The following TENM2 variants were observed in gnomAD, a reference collection of about 807,000 sequenced individuals.
TENM2 encodes teneurin-2.
A neutral mutation model predicts 245.2 loss-of-function variants in TENM2; 52 were observed. The observed-to-expected ratio is 0.21, with a 90% CI of 0.17 to 0.27. The LOEUF (loss-of-function observed/expected upper bound fraction) is 0.27. Among genes scored for constraint, TENM2 ranks in the 10% least tolerant of loss-of-function variants. The pLI, the probability that TENM2 is intolerant of heterozygous loss-of-function variation, is 1.00. For synonymous variants in TENM2, 1,363 were observed against 1,438.9 expected (o/e 0.95, Z 1.19); for missense variants, 3,046 against 3,666.8 (o/e 0.83, Z 4.37).
intron 2 of TENM2, among the ~76,000 whole-genome samples, chr5:167,618,572 C>CTG (rs1777950006): frequency 6.6e-6 from 1 of 152,154 alleles, no homozygotes; most frequent in African/African-American, 2.4e-5. Flanking sequence ...CACTCAATGT[C>CTG]TGTGAACAGT....
intron 3 of TENM2, among the ~76,000 whole-genome samples, chr5:167,895,185 A>G (rs1261287652): frequency 6.6e-6 from 1 of 151,848 alleles, no homozygotes; most frequent in Non-Finnish European, 1.5e-5. Flanking sequence ...ACCAGAGAGC[A>G]TTTTTCCTCC....
At chr5:167,398,426 T>C (rs868372840) in intron 2 of TENM2, among the ~76,000 whole-genome samples, 6 of 145,314 alleles carry the variant, frequency 4.1e-5, no homozygotes, top group East Asian at 2.0e-4. Context: ...CTCTCTCTCT[T>C]TCTTACTATT....
At chr5:167,671,770 A>G (rs1015512541) in intron 2 of TENM2, among the ~76,000 whole-genome samples, 10 of 149,664 alleles carry the variant, frequency 6.7e-5, no homozygotes, top group Admixed American at 3.4e-4. Context: ...TTATATATAT[A>G]TATTATATAT....
At chr5:167,963,885 T>C (rs1159438492) in intron 4 of TENM2, among the ~76,000 whole-genome samples, 2 of 152,094 alleles carry the variant, frequency 1.3e-5, no homozygotes, top group East Asian at 3.9e-4. Flanking sequence ...AACAAGCATA[T>C]AAGGGAAGTT....
chr5:167,240,668 T>C, the TENM2 span, among the ~76,000 whole-genome samples: 2 of 152,210 alleles, frequency 1.3e-5, no homozygotes, highest in Non-Finnish European at 2.9e-5. Context: ...TGTCCATGTA[T>C]TGGCTTTATC....
the TENM2 span, among the ~76,000 whole-genome samples, chr5:167,124,827 CTATTAT>C: frequency 6.6e-6 from 1 of 151,950 alleles, no homozygotes; most frequent in South Asian, 2.1e-4. Context: ...AATATAATTT[CTATTAT>C]TATTATTATT....
At chr5:168,182,056 C>T (rs1477367577) in intron 13 of TENM2, among the ~76,000 whole-genome samples, 3 of 152,164 alleles carry the variant, frequency 2.0e-5, no homozygotes, top group Non-Finnish European at 4.4e-5. Flanking sequence ...GACGGTTCAT[C>T]AGGCAGCCAG....
the TENM2 span, among the ~76,000 whole-genome samples, chr5:167,237,754 C>T: frequency 1.3e-5 from 2 of 152,026 alleles, no homozygotes; most frequent in Admixed American, 6.6e-5. Context: ...ATGGCTCACG[C>T]CTAATCCCAG....
chr5:168,090,527 A>G (rs1170749493), intron 7 of TENM2, 47 bp from the exon 10 acceptor site: 1 of 1,537,674 alleles, frequency 6.5e-7, no homozygotes. Context: ...GTATGGGACC[A>G]CATCCACACC....
Position 168,215,623 on chromosome 5 carries a change from C to G in TENM2, c.4078+351C>G, listed in dbSNP as rs565796588. 1.3e-4 allele frequency among the ~76,000 whole-genome samples: 20 copies of G among 152,298 alleles called. No individual in the cohort carries two copies. The East Asian group carries it at 3.9e-3, about 29-fold the overall frequency. ...GGCGGAGCTTGCAGTGAGCCGAGAT[C>G]GCGCCACTGCACTCCAGCCTGGGCA... is the stretch of plus-strand genomic sequence containing the variant. On this transcript the variant is annotated intron_variant, in intron 21 of 28. Transcript: ENST00000518659.
chr5:167,429,687 A>G (rs1352462345), intron 2 of TENM2, among the ~76,000 whole-genome samples: 1 of 143,870 alleles, frequency 7.0e-6, no homozygotes, highest in African/African-American at 2.6e-5. Context: ...GCTCAGTGCA[A>G]CCTCCGCCTC....
chr5:168,096,130 A>G (rs918987203), intron 8 of TENM2, among the ~76,000 whole-genome samples: 2 of 152,200 alleles, frequency 1.3e-5, no homozygotes, highest in Non-Finnish European at 2.9e-5. Context: ...GAGAGACACT[A>G]TCGCTGTCTC....
intron 4 of TENM2, 139 bp from the exon 7 acceptor site, chr5:167,992,805 C>T (rs1350571475): frequency 4.2e-5 from 27 of 637,428 alleles, no homozygotes; most frequent in East Asian, 3.5e-4. Flanking sequence ...ATGTAATGTT[C>T]GCCCCTTCTT....
At chr5:167,770,825 G>C (rs891483710) in intron 2 of TENM2, among the ~76,000 whole-genome samples, 2 of 152,038 alleles carry the variant, frequency 1.3e-5, no homozygotes, top group African/African-American at 4.8e-5. Flanking sequence ...CTGAATCCTG[G>C]GTCTCTAAGA....
the TENM2 span, among the ~76,000 whole-genome samples, chr5:167,076,662 A>G: frequency 6.6e-6 from 1 of 152,192 alleles, no homozygotes; most frequent in Non-Finnish European, 1.5e-5. Context: ...TTTAAGAAAT[A>G]AGATTAACGC....
At chr5:167,780,555 C>A (rs777668308) in intron 2 of TENM2, among the ~76,000 whole-genome samples, 1 of 152,144 alleles carries the variant, frequency 6.6e-6, no homozygotes. Flanking sequence ...TGATCCTAAG[C>A]ACAAGAAAGC....
chr5:167,959,861 T>C (rs1280828114), intron 4 of TENM2, among the ~76,000 whole-genome samples: 1 of 152,224 alleles, frequency 6.6e-6, no homozygotes, highest in East Asian at 1.9e-4. Context: ...GTCTTTGATG[T>C]TGGTGACCTT....
the TENM2 span, among the ~76,000 whole-genome samples, chr5:167,059,110 A>G: frequency 6.6e-6 from 1 of 152,360 alleles, no homozygotes; most frequent in East Asian, 1.9e-4. Context: ...GATATGATCC[A>G]TCATTTAAAT....
intron 5 of TENM2, among the ~76,000 whole-genome samples, chr5:168,023,806 C>G (rs571960389): frequency 6.6e-6 from 1 of 152,214 alleles, no homozygotes; most frequent in South Asian, 2.1e-4. Context: ...TGCCACCTGC[C>G]CTGGGAGCTC....
Sources: gnomAD v4.1 joint callset for allele counts (sites outside exome capture counted in the v4.1 genomes callset) on GRCh38, gnomAD v4.1.1 for gene constraint, MANE v1.5 for transcripts, NCBI Gene and HGNC (gene_info 2026-07-23, HGNC 2026-07-21) for gene names.